Variants in SLC37A2 observed in about 807,000 individuals in gnomAD.
SLC37A2 encodes the protein solute carrier family 37 member 2, also known as glucose-6-phosphate exchanger SLC37A2.
SLC37A2 carries 59 observed loss-of-function variants against 70.7 expected under a neutral mutation model. The observed-to-expected ratio is 0.83, with a 90% confidence interval of 0.68 to 1.04. The LOEUF is 1.04. Among genes scored for constraint, SLC37A2 ranks in the 50% least tolerant of loss-of-function variants. The pLI is 0.00. For missense variants in SLC37A2, 580 were observed against 658.1 expected (o/e 0.88, Z 1.30); for synonymous variants, 257 against 262.1 (o/e 0.98, Z 0.19).
intron 7 of SLC37A2, 43 bp from the exon 8 acceptor site, chr11:125,081,378 G>T (rs1218798482): frequency 2.5e-6 from 4 of 1,580,296 alleles, no homozygotes; most frequent in Admixed American, 3.5e-5. Context: ...GATTGGGGGG[G>T]CGGGGGTTGG....
chr11:125,076,863 G>T (rs1284341339), intron 2 of SLC37A2, 25 bp downstream of exon 2: 1 of 1,611,058 alleles, frequency 6.2e-7, no homozygotes, highest in Non-Finnish European at 8.5e-7. Flanking sequence ...CAGCAAGGAA[G>T]AGTGCAGAAG....
rs868604747 is a variant in SLC37A2, at chr11:125,090,436, G to C, written c.*2302G>C. The C allele has an allele frequency of 2.0e-5, 3 of 152,278 alleles. No individual in the cohort carries two copies. The highest frequency in any genetic ancestry group is 2.9e-5 in the Non-Finnish European group (2 of 68,128). 9.4% of individuals were successfully genotyped at this position (152,278 alleles called of 1,614,324 possible). A position where few individuals can be genotyped will look rare whatever the true frequency, so the allele number is the denominator to read the frequency against. On this transcript the variant is annotated 3_prime_UTR_variant, in exon 18 of 18. Transcript: ENST00000403796. ...ATAAGAGAATAAAAGCAGGCTGCCC[G>C]AGCCAGCATTGGCAACTCGCTCGGG...
At chr11:125,084,128 T>C in intron 11 of SLC37A2, 106 bp from the exon 12 acceptor site, 2 of 1,285,118 alleles carry the variant, frequency 1.6e-6, no homozygotes, top group Non-Finnish European at 2.2e-6. Flanking sequence ...CTCTGCTGGT[T>C]CTTGCTGACA....
At chr11:125,076,650 T>A in intron 1 of SLC37A2, 107 bp from the exon 2 acceptor site, 1 of 991,014 alleles carries the variant, frequency 1.0e-6, no homozygotes, top group Non-Finnish European at 1.6e-6. Context: ...GAGTTGGTGG[T>A]CCTCAGGCCC....
chr11:125,081,548 G>A (rs1565398738), intron 8 of SLC37A2, 90 bp downstream of exon 8: 2 of 1,485,680 alleles, frequency 1.3e-6, no homozygotes, highest in East Asian at 2.3e-5. Flanking sequence ...AGAGCAGGGA[G>A]TTCTGGCCCT....
chr11:125,079,149 C>G lies in SLC37A2; in HGVS notation c.352C>G (p.Leu118Val). 1 of 1,614,202 alleles carries G rather than the reference C, an allele frequency of 6.2e-7. No individual in the cohort carries two copies. Among genetic ancestry groups the G allele is most frequent in the South Asian group, 1.1e-5 (1 of 91,088 alleles). The change falls in exon 5 of 18, where the codon CTC becomes GTC. Residue 118 changes from leucine to valine, a missense_variant. Coordinates refer to ENST00000403796, the MANE Select transcript of SLC37A2 (RefSeq NM_001145290.2). Reference sequence around the variant, plus strand: ...GGAGCGGCTTCCGCTCCGTTACTACCTCTCAGCTGGAATGCTGCTCAGTGG... The same window carrying G: ...GGAGCGGCTTCCGCTCCGTTACTACGTCTCAGCTGGAATGCTGCTCAGTGG... Reference protein sequence around the residue: ...FGERLPLRYYLSAGMLLSGLF... With the variant: ...FGERLPLRYYVSAGMLLSGLF...
intron 1 of SLC37A2, among the ~76,000 whole-genome samples, chr11:125,071,383 C>T (rs1949027800): frequency 6.6e-6 from 1 of 152,232 alleles, no homozygotes; most frequent in African/African-American, 2.4e-5. Context: ...CCCTGTTATT[C>T]CGGCTGCTGA....
In SLC37A2 at chr11:125,086,013, C is replaced by T. The variant is rs1441666259; in HGVS notation, c.1485C>T (p.Gly495=). 6.2e-7 allele frequency: 1 copy of T among 1,613,962 alleles called. No individual in the cohort carries two copies. Residue 495 remains glycine, a synonymous_variant, in exon 17 of 18, where the codon GGC becomes GGT. Coordinates refer to ENST00000403796, the MANE Select transcript of SLC37A2 (RefSeq NM_001145290.2). ...ILAWKVSLSR[G]SGYKEI Reference sequence around the variant, plus strand: ...CCTGGAAGGTGTCCCTGAGCAGAGGCAGCGGGTGAGTCCGGGGAGCTGAAG... The same window carrying T: ...CCTGGAAGGTGTCCCTGAGCAGAGGTAGCGGGTGAGTCCGGGGAGCTGAAG...
intron 17 of SLC37A2, 55 bp downstream of exon 17, chr11:125,086,073 C>T (rs1340804043): frequency 6.3e-7 from 1 of 1,579,792 alleles, no homozygotes; most frequent in East Asian, 2.2e-5. Flanking sequence ...TCGTGGGAAT[C>T]AGCCCAGCGC....
intron 3 of SLC37A2, 22 bp downstream of exon 3, chr11:125,077,345 C>A: frequency 6.3e-7 from 1 of 1,593,516 alleles, no homozygotes; most frequent in Admixed American, 1.7e-5. Context: ...GCAAGTTGCT[C>A]TTCCCATTCC....
chr11:125,076,844 G>T lies in SLC37A2; in HGVS notation c.141+6G>T. 3 of 1,613,906 alleles carry T rather than the reference G, an allele frequency of 1.9e-6. No homozygotes were observed. Among genetic ancestry groups the T allele is most frequent in the South Asian group, 1.1e-5 (1 of 91,076 alleles). ...AGCCTATCAGTATCGTCAAGGTGAGGCTGGCTGGCAGCAAGGAAGAGTGCA... is the reference window on the plus strand; with the variant it reads ...AGCCTATCAGTATCGTCAAGGTGAGTCTGGCTGGCAGCAAGGAAGAGTGCA... On this transcript the variant is annotated splice_donor_region_variant and intron_variant, in intron 2 of 17. Coordinates refer to ENST00000403796, the MANE Select transcript of SLC37A2 (RefSeq NM_001145290.2).
In SLC37A2 at chr11:125,085,159, G is replaced by A. The variant is rs377236493; in HGVS notation, c.1248+20G>A. ...GATCTGGTGAGTGGGGCCACCTCCC[G>A]AGGGCCAGGGACCGTTCTGGGGGCT... On this transcript the variant is annotated intron_variant, in intron 14 of 17. Coordinates refer to ENST00000403796, the MANE Select transcript of SLC37A2 (RefSeq NM_001145290.2). The A allele has an allele frequency of 2.2e-5, 36 of 1,610,822 alleles. No individual in the cohort carries two copies. In the African/African-American group the frequency reaches 3.5e-4, roughly 16 times the overall value.
chr11:125,078,640 G>A (rs776791998), intron 4 of SLC37A2, among the ~76,000 whole-genome samples: 17 of 152,280 alleles, frequency 1.1e-4, no homozygotes, highest in East Asian at 1.9e-4. Context: ...TGATGAAGGC[G>A]TCAGGGTGGT....
chr11:125,085,182 G>T lies in SLC37A2; in HGVS notation c.1248+43G>T, dbSNP rs371808453. 1.5e-4 allele frequency: 241 copies of T among 1,578,734 alleles called. 1 individual carries two copies. In the South Asian group the frequency reaches 2.0e-3, roughly 13 times the overall value. ...CCGAGGGCCAGGGACCGTTCTGGGG[G>T]CTTGGTCAGGGCCACCATCTCCAGG... On this transcript the variant is annotated intron_variant, in intron 14 of 17. Coordinates refer to ENST00000403796, the MANE Select transcript of SLC37A2 (RefSeq NM_001145290.2).
At chr11:125,075,676 G>A (rs759304733) in intron 1 of SLC37A2, among the ~76,000 whole-genome samples, 1 of 152,204 alleles carries the variant, frequency 6.6e-6, no homozygotes, top group Admixed American at 6.5e-5. Context: ...TTCAGCCTTC[G>A]CTGAAATGCC....
Position 125,080,131 on chromosome 11 carries a change from A to G in SLC37A2, c.527+371A>G, listed in dbSNP as rs1051946862. Among the ~76,000 whole-genome samples the G allele has an allele frequency of 2.0e-5, 3 of 151,996 alleles. No homozygotes were observed. Among genetic ancestry groups the G allele is most frequent in the African/African-American group, 7.3e-5 (3 of 41,318 alleles). The stretch of plus-strand genomic sequence containing the variant: ...CTTGGCACTACTGACTTTCTGGGCT[A>G]TTGGACCCTTGTTTGGGGACTGTCC... On this transcript the variant is annotated intron_variant, in intron 6 of 17. Transcript: ENST00000403796. This position sits in a 1 kb window ranked among gnomAD's most constrained non-coding sequence, Gnocchi z 4.3.
intron 1 of SLC37A2, among the ~76,000 whole-genome samples, chr11:125,067,897 A>G (rs1948996940): frequency 6.6e-6 from 1 of 152,364 alleles, no homozygotes; most frequent in Non-Finnish European, 1.5e-5. Flanking sequence ...ACAGGTTTCA[A>G]TACCATGTAT....
intron 6 of SLC37A2, 34 bp downstream of exon 6, chr11:125,079,794 T>C (rs56367722): frequency 0.12 from 189,099 of 1,537,786 alleles, 13,072 homozygotes; most frequent in Non-Finnish European, 0.14. Context: ...GTGGGAAGGA[T>C]TGGGAGGGCT....
chr11:125,069,871 A>G (rs770925489), intron 1 of SLC37A2, among the ~76,000 whole-genome samples: 8 of 152,208 alleles, frequency 5.3e-5, no homozygotes, highest in Non-Finnish European at 1.0e-4. Context: ...ATGACAATGA[A>G]TGGCTTGTCC....
Sources: allele counts gnomAD v4.1 joint callset (sites outside exome capture counted in the v4.1 genomes callset), GRCh38; gene constraint gnomAD v4.1.1; non-coding constraint Gnocchi (gnomAD v3.1); transcripts MANE v1.5; gene names NCBI Gene and HGNC (gene_info 2026-07-23, HGNC 2026-07-21).